The following SHLD1 variants were observed in gnomAD, a reference collection of about 807,000 sequenced individuals.
SHLD1 encodes RINN1-REV7-interacting novel NHEJ regulator 3.
SHLD1 carries 3 observed loss-of-function variants against 5.5 expected under a neutral mutation model. That is an observed-to-expected ratio of 0.54 (90% CI 0.25 to 1.40). SHLD1 has a LOEUF of 1.40. SHLD1 is among the 40% of genes most tolerant of loss of function. SHLD1 has a pLI of 0.15. For missense variants in SHLD1, 210 were observed against 244.4 expected (o/e 0.86, Z 0.94); for synonymous variants, 92 against 94.3 (o/e 0.98, Z 0.14).
At chr20:5,820,198 G>A (rs111647746) in intron 2 of SHLD1, among the ~76,000 whole-genome samples, 2,944 of 152,026 alleles carry the variant, frequency 0.019, 104 homozygotes, top group African/African-American at 0.068. Flanking sequence ...CGCCCACCTC[G>A]GCCTCCCAAA....
intron 2 of SHLD1, among the ~76,000 whole-genome samples, chr20:5,790,925 G>A (rs1459023825): frequency 6.6e-6 from 1 of 152,174 alleles, no homozygotes; most frequent in Admixed American, 6.5e-5. Flanking sequence ...CACTTTGGGA[G>A]GCTGAGGCAG....
At chr20:5,831,874 A>AT (rs962900522) in intron 2 of SHLD1, among the ~76,000 whole-genome samples, 3 of 151,428 alleles carry the variant, frequency 2.0e-5, no homozygotes, top group Non-Finnish European at 4.4e-5. Flanking sequence ...ATTTTGTTGT[A>AT]TTTTTTTTTC....
intron 2 of SHLD1, among the ~76,000 whole-genome samples, chr20:5,780,464 A>T (rs543387188): frequency 6.6e-6 from 1 of 152,276 alleles, no homozygotes; most frequent in African/African-American, 2.4e-5. Context: ...GGCAGTGTGC[A>T]GGTGCCTTCT....
In SHLD1 at chr20:5,768,788, CAT is replaced by C. The variant is rs1317142512; in HGVS notation, c.-4-4073_-4-4072del. On this transcript the variant is annotated intron_variant, in intron 1 of 2. Transcript: ENST00000303142. ...TAGAACCTTTTTACATTGAATATAT[CAT>C]GTGTGTGTATGCACGTGGGCACATT... Among the ~76,000 whole-genome samples the C allele has an allele frequency of 7.9e-5, 12 of 152,174 alleles. No homozygotes were observed. The South Asian group carries it at 1.7e-3, about 21-fold the overall frequency.
intron 1 of SHLD1, among the ~76,000 whole-genome samples, chr20:5,755,055 CAAA>C (rs61439374): frequency 3.7e-5 from 5 of 134,318 alleles, no homozygotes; most frequent in African/African-American, 8.0e-5. Context: ...GACCCTGTCT[CAAA>C]AAAAAAAAAA....
intron 1 of SHLD1, among the ~76,000 whole-genome samples, chr20:5,764,618 G>C (rs566342011): frequency 1.3e-5 from 2 of 151,202 alleles, no homozygotes; most frequent in South Asian, 4.2e-4. Flanking sequence ...AGGATCACTT[G>C]AGCCCAGGAG....
At chr20:5,821,000 C>T (rs1195633447) in intron 2 of SHLD1, among the ~76,000 whole-genome samples, 1 of 152,236 alleles carries the variant, frequency 6.6e-6, no homozygotes, top group Non-Finnish European at 1.5e-5. Flanking sequence ...TAAAGAGCTT[C>T]CCAGTCCTTC....
intron 2 of SHLD1, among the ~76,000 whole-genome samples, chr20:5,850,635 C>T (rs1363126800): frequency 6.6e-6 from 1 of 151,790 alleles, no homozygotes; most frequent in South Asian, 2.1e-4. Context: ...CTCAGCCTCC[C>T]GAGTAGCTGG....
At chr20:5,760,819 G>A (rs1984419286) in intron 1 of SHLD1, among the ~76,000 whole-genome samples, 1 of 152,136 alleles carries the variant, frequency 6.6e-6, no homozygotes, top group Non-Finnish European at 1.5e-5. Flanking sequence ...AGAAGAGACA[G>A]TTACGAAATA....
At chr20:5,840,928 T>C (rs1398361805) in intron 2 of SHLD1, among the ~76,000 whole-genome samples, 1 of 152,198 alleles carries the variant, frequency 6.6e-6, no homozygotes, top group Admixed American at 6.6e-5. Flanking sequence ...TTTTTAATAT[T>C]CTTAGGGCTT....
intron 1 of SHLD1, among the ~76,000 whole-genome samples, chr20:5,766,653 A>G (rs1203536241): frequency 6.6e-6 from 1 of 152,192 alleles, no homozygotes; most frequent in African/African-American, 2.4e-5. Context: ...TAGGGTTGTG[A>G]CAGATGAAGC....
At chr20:5,836,515 T>C (rs2087791221) in intron 2 of SHLD1, among the ~76,000 whole-genome samples, 1 of 152,240 alleles carries the variant, frequency 6.6e-6, no homozygotes, top group Non-Finnish European at 1.5e-5. Flanking sequence ...CAGTGGCCTC[T>C]CATCCTTGCA....
At chr20:5,827,160 C>T (rs79580498) in intron 2 of SHLD1, among the ~76,000 whole-genome samples, 2,851 of 152,294 alleles carry the variant, frequency 0.019, 100 homozygotes, top group African/African-American at 0.065. Context: ...AAGCACAGAG[C>T]CTGGGGCCCG....
intron 2 of SHLD1, among the ~76,000 whole-genome samples, chr20:5,859,650 T>C (rs2088134680): frequency 6.6e-6 from 1 of 152,202 alleles, no homozygotes; most frequent in Non-Finnish European, 1.5e-5. Flanking sequence ...ACAACAGCCT[T>C]ATGATTAGAG....
At chr20:5,803,507 C>T (rs2087328071) in intron 2 of SHLD1, among the ~76,000 whole-genome samples, 1 of 152,058 alleles carries the variant, frequency 6.6e-6, no homozygotes. Context: ...AGAATGAAAG[C>T]TCTCCCAAAT....
intron 2 of SHLD1, among the ~76,000 whole-genome samples, chr20:5,839,486 AAGAT>A (rs3058152): frequency 0.015 from 2,320 of 149,994 alleles, 32 homozygotes; most frequent in South Asian, 0.034. Context: ...ATTAGATAGA[AAGAT>A]AGATAGATAG....
intron 1 of SHLD1, among the ~76,000 whole-genome samples, chr20:5,768,108 G>A (rs965199556): frequency 1.3e-5 from 2 of 151,746 alleles, no homozygotes; most frequent in East Asian, 3.9e-4. Context: ...CCAAGTAGCT[G>A]GGATTACAGG....
intron 1 of SHLD1, among the ~76,000 whole-genome samples, chr20:5,767,486 T>C (rs1179008503): frequency 6.6e-6 from 1 of 152,168 alleles, no homozygotes; most frequent in East Asian, 1.9e-4. Flanking sequence ...AGTAAATCTA[T>C]TCTTAATCTC....
chr20:5,858,052 T>A (rs901228316), intron 2 of SHLD1, among the ~76,000 whole-genome samples: 3 of 144,296 alleles, frequency 2.1e-5, no homozygotes, highest in African/African-American at 7.8e-5. Context: ...TGAGCCAAGA[T>A]CGCGCCACTG....
Sources: gnomAD v4.1 joint callset for allele counts (sites outside exome capture counted in the v4.1 genomes callset) on GRCh38, gnomAD v4.1.1 for gene constraint, MANE v1.5 for transcripts, NCBI Gene and HGNC (gene_info 2026-07-23, HGNC 2026-07-21) for gene names.